Variants in NCALD observed in about 807,000 individuals in gnomAD.
NCALD encodes the protein neurocalcin-delta.
Under a neutral mutation model 18.6 loss-of-function variants are expected in NCALD, and 10 were observed. The ratio of observed to expected loss-of-function variants is 0.54; its 90% confidence interval spans 0.33 to 0.91. The LOEUF (loss-of-function observed/expected upper bound fraction) is 0.91. Ranked by LOEUF, NCALD falls within the 40% of genes least tolerant of loss-of-function variation. NCALD has a pLI of 0.03. For missense variants in NCALD, 184 were observed against 247.6 expected (o/e 0.74, Z 1.72); for synonymous variants, 88 against 87.4 (o/e 1.01, Z -0.04).
At chr8:101,817,682 G>T (rs561567299) in intron 4 of NCALD, among the ~76,000 whole-genome samples, 1 of 152,240 alleles carries the variant, frequency 6.6e-6, no homozygotes, top group East Asian at 1.9e-4. Context: ...CTAAAGAGAG[G>T]AGTTCAGAGC....
At chr8:101,792,116 C>T (rs1426681764), upstream of NCALD, among the ~76,000 whole-genome samples, 1 of 152,010 alleles carries the variant, frequency 6.6e-6, no homozygotes. Flanking sequence ...AAGAGACTGC[C>T]CTCAAAACCC....
intron 3 of NCALD, among the ~76,000 whole-genome samples, chr8:101,891,900 T>C (rs1351870543): frequency 2.0e-5 from 3 of 152,118 alleles, no homozygotes; most frequent in East Asian, 3.8e-4. Flanking sequence ...CACAGCAGTC[T>C]GAGATCAAAC....
chr8:101,958,755 A>G (rs1169005839), intron 2 of NCALD, among the ~76,000 whole-genome samples: 1 of 152,168 alleles, frequency 6.6e-6, no homozygotes, highest in Non-Finnish European at 1.5e-5. Context: ...CTGGTTTCAG[A>G]GCTAGCATGC....
At position 101,969,174 on chromosome 8, in the gene NCALD, CA is replaced by C. The variant is rs556973630; in HGVS notation, c.-157+51062del. 1.9e-3 allele frequency among the ~76,000 whole-genome samples: 287 copies of C among 152,306 alleles called. 1 individual carries two copies. The highest frequency in any genetic ancestry group is 6.5e-3 in the African/African-American group (270 of 41,558). ...AGAACCATTTGTTCCTTGCAGTTCT[CA>C]GCACAAAGCTACAGTTATTTTTAAT... On this transcript the variant is annotated intron_variant, in intron 2 of 6. Transcript: ENST00000311028.
At position 102,018,671 on chromosome 8, in the gene NCALD, A is replaced by G. The variant is rs1341719330; in HGVS notation, c.-157+1566T>C. 2.0e-5 allele frequency among the ~76,000 whole-genome samples: 3 copies of G among 152,196 alleles called. No individual in the cohort carries two copies. In the East Asian group the frequency reaches 5.8e-4, roughly 29 times the overall value. On this transcript the variant is annotated intron_variant, in intron 2 of 6. Coordinates refer to the NCALD transcript ENST00000311028. ...TTGATTGTGAGGTAAAACAATGATT[A>G]CATACATTTTTCAAAATGCATCAAA...
intron 2 of NCALD, among the ~76,000 whole-genome samples, chr8:101,946,056 G>A (rs967413475): frequency 6.6e-6 from 1 of 152,226 alleles, no homozygotes; most frequent in South Asian, 2.1e-4. Flanking sequence ...AAAAAGAGAT[G>A]GAGGAAAATC....
At chr8:101,821,151 C>G (rs1414765246) in intron 4 of NCALD, among the ~76,000 whole-genome samples, 1 of 152,180 alleles carries the variant, frequency 6.6e-6, no homozygotes. Context: ...CTTCCAGGCA[C>G]TCAACATATA....
chr8:102,120,890 T>G (rs13256671), intron 1 of NCALD, among the ~76,000 whole-genome samples: 5,851 of 152,326 alleles, frequency 0.038, 169 homozygotes, highest in Middle Eastern at 0.095. Context: ...TAGGGACTTT[T>G]AACTCATGTG....
In NCALD at chr8:102,075,053, T is replaced by A. The variant is rs757487329; in HGVS notation, c.-210+49184A>T. 1.6e-3 allele frequency among the ~76,000 whole-genome samples: 237 copies of A among 152,320 alleles called. 1 individual carries two copies. Among genetic ancestry groups the A allele is most frequent in the Non-Finnish European group, 1.7e-3 (118 of 68,034 alleles). Reference sequence around the variant, plus strand: ...AGGGGAAAAGACAACATCACAGACTTCTGCTTACTTTATATTGGTCAGAAC... The same window carrying A: ...AGGGGAAAAGACAACATCACAGACTACTGCTTACTTTATATTGGTCAGAAC... On this transcript the variant is annotated intron_variant, in intron 1 of 6. Transcript: ENST00000311028.
At chr8:101,826,158 A>G (rs1386420462) in intron 4 of NCALD, among the ~76,000 whole-genome samples, 1 of 152,210 alleles carries the variant, frequency 6.6e-6, no homozygotes, top group Non-Finnish European at 1.5e-5. Flanking sequence ...CCATACCTCC[A>G]GCACTCAAGA....
At chr8:102,049,814 G>T (rs1410614565) in intron 1 of NCALD, among the ~76,000 whole-genome samples, 1 of 152,098 alleles carries the variant, frequency 6.6e-6, no homozygotes, top group Non-Finnish European at 1.5e-5. Flanking sequence ...TTTGCCCTCT[G>T]TATCTCTTCT....
intron 2 of NCALD, among the ~76,000 whole-genome samples, chr8:102,004,771 C>A (rs1462815900): frequency 1.3e-5 from 2 of 152,158 alleles, no homozygotes; most frequent in East Asian, 3.9e-4. Flanking sequence ...CAAAAACAAG[C>A]AATGGGGAAA....
At chr8:101,697,020 T>A (rs1232898704) in intron 2 of NCALD, among the ~76,000 whole-genome samples, 1 of 151,706 alleles carries the variant, frequency 6.6e-6, no homozygotes, top group South Asian at 2.1e-4. Flanking sequence ...GCTGTTTTTT[T>A]GAAAAAATTA....
intron 1 of NCALD, among the ~76,000 whole-genome samples, chr8:101,733,433 A>G (rs1816931149): frequency 6.6e-6 from 1 of 152,222 alleles, no homozygotes; most frequent in Non-Finnish European, 1.5e-5. Context: ...TTTGCTCTGC[A>G]GTAAAATAGG....
In NCALD at chr8:101,872,136, G is replaced by A. The variant is rs1816046867; in HGVS notation, c.-20+15005C>T. The A allele has an allele frequency of 1.1e-5, 17 of 1,605,904 alleles. No individual in the cohort carries two copies. The South Asian group carries it at 1.9e-4, about 18-fold the overall frequency. ...TAAATTTGACATCAGGAAACTTCCTGGCAAGTCCACTGAGGTGCTGATTTA... is the reference window on the plus strand; with the variant it reads ...TAAATTTGACATCAGGAAACTTCCTAGCAAGTCCACTGAGGTGCTGATTTA... On this transcript the variant is annotated intron_variant, in intron 4 of 6. Coordinates refer to the NCALD transcript ENST00000311028.
At chr8:102,020,649 A>G (rs1486714414) in intron 1 of NCALD, among the ~76,000 whole-genome samples, 1 of 152,226 alleles carries the variant, frequency 6.6e-6, no homozygotes, top group Non-Finnish European at 1.5e-5. Flanking sequence ...TGTGATATAC[A>G]GCACTTCAGT....
At chr8:102,075,080 G>A (rs991289849) in intron 1 of NCALD, among the ~76,000 whole-genome samples, 1 of 152,226 alleles carries the variant, frequency 6.6e-6, no homozygotes, top group Admixed American at 6.5e-5. Flanking sequence ...GGTCAGAACT[G>A]TGTCCCCTGG....
intron 2 of NCALD, among the ~76,000 whole-genome samples, chr8:101,956,524 A>G (rs1306043365): frequency 1.3e-5 from 2 of 152,056 alleles, no homozygotes; most frequent in African/African-American, 4.8e-5. Flanking sequence ...ATATAGGTAC[A>G]CGTAAGTATC....
chr8:101,922,311 T>C (rs539085089), intron 2 of NCALD, among the ~76,000 whole-genome samples: 10 of 152,254 alleles, frequency 6.6e-5, no homozygotes, highest in South Asian at 4.1e-4. Context: ...GCCCATTAAA[T>C]ACCAAGCTAC....
Sources: gnomAD v4.1 joint callset for allele counts (sites outside exome capture counted in the v4.1 genomes callset) on GRCh38, gnomAD v4.1.1 for gene constraint, MANE v1.5 for transcripts, NCBI Gene and HGNC (gene_info 2026-07-23, HGNC 2026-07-21) for gene names.